The following ANKFY1 variants were observed in gnomAD, a reference collection of about 807,000 sequenced individuals.
ANKFY1 encodes the protein ankyrin repeat and FYVE domain-containing protein 1.
In ANKFY1, 47 loss-of-function variants were observed where a neutral mutation model predicts 128.3. That is an observed-to-expected ratio of 0.37 (90% confidence interval 0.29 to 0.47). The LOEUF is 0.47. ANKFY1 is among the 20% of genes least tolerant of loss of function. ANKFY1 has a pLI of 1.00. For synonymous variants in ANKFY1, 553 were observed against 601.6 expected (o/e 0.92, Z 1.18); for missense variants, 1,222 against 1,510.6 (o/e 0.81, Z 3.17).
intron 3 of ANKFY1, chr17:4,223,796 A>C (rs749762828): frequency 3.1e-5 from 47 of 1,496,408 alleles, no homozygotes; most frequent in Non-Finnish European, 4.2e-5. Context: ...ACAGTGTCTC[A>C]CAGTTTCATG....
Position 4,186,702 on chromosome 17 carries a change from G to A in ANKFY1, c.1471-1656C>T, listed in dbSNP as rs557990276. The A allele has an allele frequency of 1.1e-5, 6 of 537,232 alleles. No homozygotes were observed. The South Asian group carries it at 4.9e-4, about 44-fold the overall frequency. 33.3% of individuals were successfully genotyped at this position (537,232 alleles called of 1,614,324 possible). A position where few individuals can be genotyped will look rare whatever the true frequency, so the allele number is the denominator to read the frequency against. ...TATGTCCTCTTCCTCCTCCTCCCCT[G>A]CTCCTCCCGCTCCTCTACCCCTCCT... On this transcript the variant is annotated intron_variant, in intron 11 of 24. Transcript: ENST00000341657.
chr17:4,179,537 G>A lies in ANKFY1; in HGVS notation c.2397+184C>T, dbSNP rs557993587. 5.8e-5 allele frequency: 42 copies of A among 721,022 alleles called. 1 individual carries two copies. The East Asian group carries it at 1.1e-3, about 19-fold the overall frequency. 44.7% of individuals were successfully genotyped at this position (721,022 alleles called of 1,614,324 possible). On this transcript the variant is annotated intron_variant, in intron 17 of 24. Coordinates refer to ENST00000341657, the MANE Select transcript of ANKFY1 (RefSeq NM_001330063.2). Reference sequence around the variant, plus strand: ...AGCTGAAACAAATCTTCCTCCTGTTGTAGTAAGGACAAAGGCACAGAGAAG... The same window carrying A: ...AGCTGAAACAAATCTTCCTCCTGTTATAGTAAGGACAAAGGCACAGAGAAG...
rs117382496 is a variant in ANKFY1 at position 4,181,313 on chromosome 17, C to T, written c.2181G>A (p.Thr727=). 3,008 of 1,614,172 alleles carry T rather than the reference C, an allele frequency of 1.9e-3. 97 individuals are homozygous for T. In the East Asian group the frequency reaches 0.049, roughly 26 times the overall value. ...WGPGPGGCLQ[T]LLHRAIDENN... is the part of the protein sequence containing the mutation. ...TTTCATCAATGGCTCTGTGCAGGAG[C>T]GTCTGAAGGCACCCACCAGGTCCCG... The change falls in exon 16 of 25, where the codon ACG becomes ACA. Residue 727 remains threonine (T), a synonymous_variant. Transcript: ENST00000341657. The surrounding 1 kb of genome is among the most constrained non-coding windows in gnomAD (Gnocchi z 4.9).
rs145604762 is a variant in ANKFY1 at position 4,262,781 on chromosome 17, G to T, written c.10+1151C>A. On this transcript the variant is annotated intron_variant, in intron 1 of 24. Coordinates refer to ENST00000341657, the MANE Select transcript of ANKFY1 (RefSeq NM_001330063.2). ...ACACACACCCCCCAAAACCAACTGG[G>T]TGTCAGTCACAGCTATCTCTGTAAC... Among the ~76,000 whole-genome samples, 419 of 152,282 alleles carry T rather than the reference G, an allele frequency of 2.8e-3. 1 individual carries two copies. The highest frequency in any genetic ancestry group is 9.5e-3 in the African/African-American group (396 of 41,554).
At chr17:4,205,226 C>T (rs913385871) in intron 7 of ANKFY1, among the ~76,000 whole-genome samples, 8 of 152,166 alleles carry the variant, frequency 5.3e-5, no homozygotes, top group African/African-American at 1.9e-4. Flanking sequence ...GCACTTCAAT[C>T]AAGTCAACCA....
chr17:4,174,718 T>C (rs766334277), intron 19 of ANKFY1, among the ~76,000 whole-genome samples: 3 of 152,028 alleles, frequency 2.0e-5, no homozygotes, highest in African/African-American at 4.8e-5. Flanking sequence ...TATTTCACTA[T>C]TGTTTTCTAT....
chr17:4,178,225 C>T lies in ANKFY1; in HGVS notation c.2598+632G>A, dbSNP rs963060173. ...CATCTCCACCCATGCGAGGATCTCA[C>T]TTCACGCGGGTCCCAAGTTCCATCT... On this transcript the variant is annotated intron_variant, in intron 18 of 24. Coordinates refer to ENST00000341657, the MANE Select transcript of ANKFY1 (RefSeq NM_001330063.2). The surrounding 1 kb of genome is among the most constrained non-coding windows in gnomAD (Gnocchi z 4.1). 2 of 154,504 alleles carry T rather than the reference C, an allele frequency of 1.3e-5. No homozygotes were observed. Among genetic ancestry groups the T allele is most frequent in the Non-Finnish European group, 2.9e-5 (2 of 69,420 alleles). The allele number at this position is 154,504 out of a possible 1,614,324, so 9.6% of individuals were successfully genotyped here.
At chr17:4,174,088 T>C (rs777268870) in intron 19 of ANKFY1, 32 bp from the exon 20 acceptor site, 2 of 1,607,730 alleles carry the variant, frequency 1.2e-6, no homozygotes, top group Non-Finnish European at 1.7e-6. Context: ...ACAGTCAGTC[T>C]CTCTGCCACA....
intron 6 of ANKFY1, among the ~76,000 whole-genome samples, chr17:4,207,523 G>A (rs776806693): frequency 6.6e-5 from 10 of 152,150 alleles, no homozygotes; most frequent in Non-Finnish European, 1.2e-4. Flanking sequence ...ACAGCCTGCC[G>A]ACATCCTGAT....
chr17:4,227,747 AT>A (rs1459114732), intron 3 of ANKFY1, among the ~76,000 whole-genome samples: 1 of 152,242 alleles, frequency 6.6e-6, no homozygotes, highest in East Asian at 1.9e-4. Context: ...AAAATTGTCA[AT>A]AACACACAAA....
chr17:4,179,974 A>C, intron 16 of ANKFY1, 97 bp from the exon 17 acceptor site: 4 of 1,470,298 alleles, frequency 2.7e-6, no homozygotes, highest in Non-Finnish European at 3.7e-6. Flanking sequence ...ATCCAATCCA[A>C]CAGCGTCTGC....
chr17:4,254,089 A>G (rs984320293), intron 1 of ANKFY1, among the ~76,000 whole-genome samples: 1 of 152,154 alleles, frequency 6.6e-6, no homozygotes, highest in African/African-American at 2.4e-5. Context: ...GCAGATCACG[A>G]GGTCAGGAGA....
At chr17:4,261,018 CAGT>C (rs1443017698) in intron 1 of ANKFY1, among the ~76,000 whole-genome samples, 1 of 152,162 alleles carries the variant, frequency 6.6e-6, no homozygotes, top group Non-Finnish European at 1.5e-5. Flanking sequence ...AAAGCACAAG[CAGT>C]AGTATTAATA....
chr17:4,243,275 C>T (rs1203411407), intron 1 of ANKFY1, among the ~76,000 whole-genome samples: 5 of 152,068 alleles, frequency 3.3e-5, no homozygotes, highest in Non-Finnish European at 7.4e-5. Context: ...ACCATGTTGG[C>T]CAGGATGGTC....
At chr17:4,225,080 G>T (rs1180528678) in intron 3 of ANKFY1, among the ~76,000 whole-genome samples, 1 of 151,918 alleles carries the variant, frequency 6.6e-6, no homozygotes, top group Non-Finnish European at 1.5e-5. Flanking sequence ...TTTAGGCTGG[G>T]TGTGGTGGCT....
Position 4,179,757 on chromosome 17 carries a change from CTG to C in ANKFY1, c.2359_2360del (p.Gln787ValfsTer78). Reference sequence around the variant, plus strand: ...CGTTGGCACCAAACTCCAGAAGACACTGTACTGTCTCTTCCAGCCCCCAAGAG... The same window carrying C: ...CGTTGGCACCAAACTCCAGAAGACACTACTGTCTCTTCCAGCCCCCAAGAG... ...AASWGLEETV[Q>X]CLLEFGANVN... On this transcript the variant is annotated frameshift_variant, in exon 17 of 25. Transcript: ENST00000341657. LOFTEE classifies it high-confidence loss of function. 1 of 1,614,228 alleles carries C rather than the reference CTG, an allele frequency of 6.2e-7. No individual in the cohort carries two copies. Among genetic ancestry groups the C allele is most frequent in the Non-Finnish European group, 8.5e-7 (1 of 1,180,042 alleles).
intron 18 of ANKFY1, 81 bp from the exon 19 acceptor site, chr17:4,177,383 A>T: frequency 1.6e-6 from 2 of 1,281,488 alleles, no homozygotes; most frequent in Non-Finnish European, 2.1e-6. Context: ...TGAACTGACC[A>T]CTGGAGAGGT....
In ANKFY1 at chr17:4,177,284, T is replaced by G; in HGVS notation, c.2617A>C (p.Asn873His). ...TTCTGAACTGCCACATGAAGGAAAT[T>G]CCGGCCCTTGTTATCCACCTACAGC... ...AAEQVDNKGR[N>H]FLHVAVQNSD... The change falls in exon 19 of 25, where the codon AAT becomes CAT. Residue 873 changes from asparagine (N) to histidine (H), a missense_variant. Asn to His is a moderately conservative substitution (Grantham distance 68, BLOSUM62 1). Coordinates refer to ENST00000341657, the MANE Select transcript of ANKFY1 (RefSeq NM_001330063.2). The G allele has an allele frequency of 6.3e-7, 1 of 1,594,286 alleles. No homozygotes were observed. The highest frequency in any genetic ancestry group is 8.5e-7 in the Non-Finnish European group (1 of 1,170,168).
rs1185561797 is a variant in ANKFY1 at position 4,223,085 on chromosome 17, TAAA to T, written c.323-5970_323-5968del. The T allele has an allele frequency of 1.2e-5, 9 of 728,014 alleles. No homozygotes were observed. The Admixed American group carries it at 1.9e-4, about 15-fold the overall frequency. 45.1% of individuals were successfully genotyped at this position (728,014 alleles called of 1,614,324 possible). A position where few individuals can be genotyped will look rare whatever the true frequency, so the allele number is the denominator to read the frequency against. On this transcript the variant is annotated intron_variant, in intron 3 of 24. Coordinates refer to ENST00000341657, the MANE Select transcript of ANKFY1 (RefSeq NM_001330063.2). ...ATATTTTCCATGGGATTTTAATAGA[TAAA>T]AAAGATCCAAATAAAGAAAAACAAG...
Sources: allele counts gnomAD v4.1 joint callset (sites outside exome capture counted in the v4.1 genomes callset), GRCh38; gene constraint gnomAD v4.1.1; non-coding constraint Gnocchi (gnomAD v3.1); transcripts MANE v1.5; gene names NCBI Gene and HGNC (gene_info 2026-07-23, HGNC 2026-07-21).